A4GALT: variants seen among roughly 807,000 people sequenced by gnomAD.
The protein encoded by A4GALT is lactosylceramide 4-alpha-galactosyltransferase.
For missense variants in A4GALT, 512 were observed against 486.0 expected (o/e 1.05, Z -0.50); for synonymous variants, 257 against 220.7 (o/e 1.16, Z -1.46).
chr22:42,703,266 T>G (rs1056009815), intron 1 of A4GALT, among the ~76,000 whole-genome samples: 6 of 149,900 alleles, frequency 4.0e-5, no homozygotes, highest in African/African-American at 1.5e-4. Context: ...TTTGTTTTTT[T>G]TTTTTTTGAG....
At chr22:42,714,026 G>A (rs944922611) in intron 1 of A4GALT, among the ~76,000 whole-genome samples, 7 of 150,244 alleles carry the variant, frequency 4.7e-5, no homozygotes, top group Non-Finnish European at 7.4e-5. Flanking sequence ...GCACAGTGGC[G>A]CATGCCTGTA....
intron 1 of A4GALT, among the ~76,000 whole-genome samples, chr22:42,701,880 A>G (rs1234343871): frequency 6.6e-6 from 1 of 152,210 alleles, no homozygotes; most frequent in African/African-American, 2.4e-5. Flanking sequence ...GGAAGGAGAC[A>G]GAGACCCACG....
At chr22:42,709,955 T>C (rs1921535076) in intron 1 of A4GALT, among the ~76,000 whole-genome samples, 1 of 152,132 alleles carries the variant, frequency 6.6e-6, no homozygotes, top group South Asian at 2.1e-4. Context: ...CCAAAAAACA[T>C]TTAACAAAGT....
chr22:42,706,122 A>G (rs534271291), intron 1 of A4GALT, among the ~76,000 whole-genome samples: 1,427 of 106,844 alleles, frequency 0.013, 145 homozygotes, highest in African/African-American at 0.037. Context: ...TTGGGAGGCC[A>G]AGGCGGGCGG....
At chr22:42,697,373 CT>C (rs927597197) in intron 1 of A4GALT, among the ~76,000 whole-genome samples, 4 of 152,170 alleles carry the variant, frequency 2.6e-5, no homozygotes, top group Non-Finnish European at 5.9e-5. Flanking sequence ...ATGGTGCCCC[CT>C]GCCCCTGTCT....
At chr22:42,694,704 A>C (rs1930796785) in intron 2 of A4GALT, 1 of 152,374 alleles carries the variant, frequency 6.6e-6, no homozygotes, top group Non-Finnish European at 1.5e-5. Context: ...CCTGGGAGGC[A>C]TGAGACCCCA....
In A4GALT at chr22:42,693,142, G is replaced by A; in HGVS notation, c.810C>T (p.Ser270=). 6.2e-7 allele frequency: 1 copy of A among 1,602,462 alleles called. No homozygotes were observed. The highest frequency in any genetic ancestry group is 8.5e-7 in the Non-Finnish European group (1 of 1,175,454). Residue 270 remains serine, a synonymous_variant, in exon 3 of 3, where the codon AGC becomes AGT. Coordinates refer to ENST00000642412, the MANE Select transcript of A4GALT (RefSeq NM_017436.7). ...GGGTGGTGACGCCGCGGCAGGCGCG[G>A]CTCTCGGCCAGGCTGCGGATGGAAC... ...KWCSIRSLAE[S]RACRGVTTLP...
intron 1 of A4GALT, among the ~76,000 whole-genome samples, chr22:42,709,807 A>C (rs897914468): frequency 6.6e-6 from 1 of 152,096 alleles, no homozygotes; most frequent in Non-Finnish European, 1.5e-5. Context: ...AAAAAAAATA[A>C]AAAAATGGGG....
chr22:42,716,720 C>G (rs1922213372), intron 1 of A4GALT, among the ~76,000 whole-genome samples: 1 of 152,132 alleles, frequency 6.6e-6, no homozygotes, highest in Admixed American at 6.6e-5. Flanking sequence ...GTCTCCTTGT[C>G]TGTAAAATGG....
At chr22:42,711,019 T>C (rs1298904972) in intron 1 of A4GALT, among the ~76,000 whole-genome samples, 1 of 129,698 alleles carries the variant, frequency 7.7e-6, no homozygotes, top group Non-Finnish European at 1.8e-5. Flanking sequence ...AGCAGGACTC[T>C]GTCTCAAAAA....
At position 42,698,961 on chromosome 22, in the gene A4GALT, G is replaced by A. The variant is rs1762709125; in HGVS notation, c.-187-3330C>T. 2.6e-5 allele frequency among the ~76,000 whole-genome samples: 4 copies of A among 152,084 alleles called. No homozygotes were observed. In the South Asian group the frequency reaches 8.3e-4, roughly 32 times the overall value. ...ATCGCAACGTCAGGAAGTTACCTTG[G>A]GTGGTCTAAAAAGGGGAGGCATGAA... On this transcript the variant is annotated intron_variant, in intron 1 of 2. Coordinates refer to ENST00000642412, the MANE Select transcript of A4GALT (RefSeq NM_017436.7).
At chr22:42,701,557 G>A (rs1030354611) in intron 1 of A4GALT, among the ~76,000 whole-genome samples, 3 of 152,226 alleles carry the variant, frequency 2.0e-5, no homozygotes, top group Admixed American at 6.5e-5. Flanking sequence ...CTGTTCTGCA[G>A]TGGAGGCAGA....
chr22:42,716,812 C>A (rs1883991), intron 1 of A4GALT, among the ~76,000 whole-genome samples: 98,943 of 152,018 alleles, frequency 0.65, 32,589 homozygotes, highest in East Asian at 0.84. Context: ...CCTACCCCCA[C>A]CTGAAGGGGA....
At chr22:42,697,634 C>T (rs149399083) in intron 1 of A4GALT, among the ~76,000 whole-genome samples, 1 of 152,090 alleles carries the variant, frequency 6.6e-6, no homozygotes, top group South Asian at 2.1e-4. Context: ...GGTGTCAGAG[C>T]CCAAGACCCA....
Position 42,703,852 on chromosome 22 carries a change from C to G in A4GALT, c.-187-8221G>C, listed in dbSNP as rs563654453. ...GGATCTGGGGCAGAAGGCCACAGAG[C>G]CAAGAAACAGCACCGAGTACAGAAT... On this transcript the variant is annotated intron_variant, in intron 1 of 2. Coordinates refer to ENST00000642412, the MANE Select transcript of A4GALT (RefSeq NM_017436.7). Among the ~76,000 whole-genome samples, 10 of 152,242 alleles carry G rather than the reference C, an allele frequency of 6.6e-5. No homozygotes were observed. The South Asian group carries it at 2.1e-3, about 32-fold the overall frequency.
At chr22:42,706,586 G>T (rs1441669553) in intron 1 of A4GALT, among the ~76,000 whole-genome samples, 2 of 151,972 alleles carry the variant, frequency 1.3e-5, no homozygotes, top group Non-Finnish European at 2.9e-5. Flanking sequence ...CCTGAGGTCA[G>T]GAGTTCGAGA....
chr22:42,712,013 C>T (rs1035601297), intron 1 of A4GALT, among the ~76,000 whole-genome samples: 1 of 152,188 alleles, frequency 6.6e-6, no homozygotes, highest in Non-Finnish European at 1.5e-5. Flanking sequence ...CTGGGAAATG[C>T]CCTTTGCAAA....
chr22:42,698,644 C>G (rs926995090), intron 1 of A4GALT, among the ~76,000 whole-genome samples: 2 of 152,154 alleles, frequency 1.3e-5, no homozygotes, highest in Non-Finnish European at 2.9e-5. Flanking sequence ...ACAGAGGCCC[C>G]GAGAGGCAAA....
intron 2 of A4GALT, 144 bp from the exon 3 acceptor site, chr22:42,694,141 C>T (rs1930747602): frequency 1.6e-6 from 1 of 621,508 alleles, no homozygotes; most frequent in Admixed American, 2.9e-5. Flanking sequence ...AGGCTTGAAC[C>T]CCAGCCTGCT....
Sources: gnomAD v4.1 joint callset for allele counts (sites outside exome capture counted in the v4.1 genomes callset) on GRCh38, gnomAD v4.1.1 for gene constraint, MANE v1.5 for transcripts, NCBI Gene and HGNC (gene_info 2026-07-23, HGNC 2026-07-21) for gene names.